The following RIPK3 variants were observed in gnomAD, a reference collection of about 807,000 sequenced individuals.
RIPK3 encodes receptor-interacting serine/threonine-protein kinase 3.
Under a neutral mutation model 51.6 loss-of-function variants are expected in RIPK3, and 51 were observed. That is an observed-to-expected ratio of 0.99 (90% CI 0.79 to 1.25). The LOEUF is 1.25. Among genes scored for constraint, RIPK3 ranks in the 50% most tolerant of loss-of-function variants. RIPK3 has a pLI of 0.00. For missense variants in RIPK3, 654 were observed against 650.4 expected (o/e 1.01, Z -0.06); for synonymous variants, 246 against 257.7 (o/e 0.95, Z 0.44).
chr14:24,339,801 A>C lies in RIPK3; in HGVS notation c.20+6T>G. On this transcript the variant is annotated splice_donor_region_variant and intron_variant, in intron 1 of 9. Transcript: ENST00000216274. This position sits in a 1 kb window ranked among gnomAD's most constrained non-coding sequence, Gnocchi z 4.0. ...GGCTGCGATCGACATGCCACTCCCT[A>C]CTCACCATAACTTGACGCACGACAT... 1.3e-6 allele frequency: 2 copies of C among 1,576,594 alleles called. No homozygotes were observed. The highest frequency in any genetic ancestry group is 1.7e-6 in the Non-Finnish European group (2 of 1,163,252).
In RIPK3 at chr14:24,337,327, A is replaced by G. The variant is rs754556991; in HGVS notation, c.1034T>C (p.Val345Ala). ...ENQHSRNDVM[V>A]SEWLNKLNLE... Reference sequence around the variant, plus strand: ...ATTCAGTTTGTTTAGCCACTCAGAAACCATGACATCATTACGAGAGTGCTG... The same window carrying G: ...ATTCAGTTTGTTTAGCCACTCAGAAGCCATGACATCATTACGAGAGTGCTG... Residue 345 changes from valine to alanine, a missense_variant, in exon 8 of 10, where the codon GTT (valine) becomes GCT (alanine). By Grantham distance (64) the Val-to-Ala change is moderately conservative. Coordinates refer to ENST00000216274, the MANE Select transcript of RIPK3 (RefSeq NM_006871.4). The G allele has an allele frequency of 7.4e-6, 12 of 1,614,056 alleles. No individual in the cohort carries two copies. Among genetic ancestry groups the G allele is most frequent in the Admixed American group, 5.0e-5 (3 of 60,016 alleles).
In RIPK3 at chr14:24,337,984, A is replaced by G. The variant is rs769409655; in HGVS notation, c.721T>C (p.Ser241Pro). The G allele has an allele frequency of 6.2e-7, 1 of 1,614,190 alleles. No individual in the cohort carries two copies. Among genetic ancestry groups the G allele is most frequent in the South Asian group, 1.1e-5 (1 of 91,084 alleles). Residue 241 changes from serine (S) to proline (P), a missense_variant, in exon 6 of 10, where the codon TCA becomes CCA. Transcript: ENST00000216274. ...EAVCNRQNRP[S>P]LAELPQAGPE... Reference sequence around the variant, plus strand: ...CCGGCTTGGGGCAGCTCAGCCAATGAAGGCCGGTTCTGCCTGTTGCACACT... The same window carrying G: ...CCGGCTTGGGGCAGCTCAGCCAATGGAGGCCGGTTCTGCCTGTTGCACACT...
At chr14:24,338,593 G>T in intron 3 of RIPK3, 26 bp from the exon 4 acceptor site, 1 of 1,583,344 alleles carries the variant, frequency 6.3e-7, no homozygotes, top group South Asian at 1.1e-5. Flanking sequence ...AGAAGTGGGA[G>T]GTAGGGAAGA....
rs1314968505 is a variant in RIPK3, at chr14:24,337,216, G to C, written c.1145C>G (p.Ala382Gly). Residue 382 changes from alanine (A) to glycine (G), a missense_variant, in exon 8 of 10, where the codon GCC (alanine) becomes GGC (glycine). Transcript: ENST00000216274. ...SRAQEEQVPQ[A>G]WTAGTSSDSM... ...ATCTGAAGATGTGCCTGCTGTCCAGGCTTGTGGAACCTGCTCCTCTTGTGC... is the reference window on the plus strand; with the variant it reads ...ATCTGAAGATGTGCCTGCTGTCCAGCCTTGTGGAACCTGCTCCTCTTGTGC... 4 of 1,613,898 alleles carry C rather than the reference G, an allele frequency of 2.5e-6. No individual in the cohort carries two copies. Among genetic ancestry groups the C allele is most frequent in the African/African-American group, 2.7e-5 (2 of 75,036 alleles).
rs373898638 is a variant in RIPK3, at chr14:24,337,990, G to T, written c.715C>A (p.Arg239=). The T allele has an allele frequency of 6.2e-7, 1 of 1,614,082 alleles. No homozygotes were observed. The highest frequency in any genetic ancestry group is 1.1e-5 in the South Asian group (1 of 91,084). Residue 239 remains arginine, a synonymous_variant, in exon 6 of 10, where the codon CGG becomes AGG. Coordinates refer to ENST00000216274, the MANE Select transcript of RIPK3 (RefSeq NM_006871.4). ...TGGGGCAGCTCAGCCAATGAAGGCC[G>T]GTTCTGCCTGTTGCACACTGCTTCG... ...VYEAVCNRQN[R]PSLAELPQAG... is the part of the protein sequence containing the mutation.
Position 24,337,448 on chromosome 14 carries a change from G to C in RIPK3, c.913C>G (p.Leu305Val), listed in dbSNP as rs146983806. The change falls in exon 8 of 10, where the codon CTG becomes GTG. Residue 305 changes from leucine to valine, a missense_variant. By Grantham distance (32) the Leu-to-Val change is conservative. Coordinates refer to ENST00000216274, the MANE Select transcript of RIPK3 (RefSeq NM_006871.4). ...NAAVSTVKDF[L>V]SQLRSSNRRF... Reference sequence around the variant, plus strand: ...CTATTGCTGCTCCTGAGCTGAGACAGGAAATCCTTTACCTGCAGGGATGGG... The same window carrying C: ...CTATTGCTGCTCCTGAGCTGAGACACGAAATCCTTTACCTGCAGGGATGGG... 3 of 1,613,026 alleles carry C rather than the reference G, an allele frequency of 1.9e-6. No individual in the cohort carries two copies. The African/African-American group carries it at 4.0e-5, about 22-fold the overall frequency.
In RIPK3 at chr14:24,336,028, C is replaced by T; in HGVS notation, c.*147G>A. The T allele has an allele frequency of 1.3e-6, 1 of 782,766 alleles. No homozygotes were observed. Among genetic ancestry groups the T allele is most frequent in the Non-Finnish European group, 2.0e-6 (1 of 505,538 alleles). 48.5% of individuals were successfully genotyped at this position (782,766 alleles called of 1,614,324 possible). ...CCCTGGCTGAGCTCAGACTGACTAGCATTCCATCATGTTTATTGACTCCTG... is the reference window on the plus strand; with the variant it reads ...CCCTGGCTGAGCTCAGACTGACTAGTATTCCATCATGTTTATTGACTCCTG... On this transcript the variant is annotated 3_prime_UTR_variant, in exon 10 of 10. Transcript: ENST00000216274.
Position 24,337,763 on chromosome 14 carries a change from C to T in RIPK3, c.833-1G>A, listed in dbSNP as rs1393885899. ...ACTTCATCAGTTTTTGGTAGGCATT[C>T]TAGAGGGACAGCAGAGTGGAGTGCA... On this transcript the variant is annotated splice_acceptor_variant, in intron 6 of 9. Transcript: ENST00000216274. LOFTEE classifies it high-confidence loss of function. 1.2e-6 allele frequency: 2 copies of T among 1,614,006 alleles called. No homozygotes were observed. The highest frequency in any genetic ancestry group is 3.3e-5 in the Admixed American group (2 of 60,006).
In RIPK3 at chr14:24,337,395, T is replaced by C; in HGVS notation, c.966A>G (p.Gln322=). The part of the protein sequence containing the change: ...NRRFSIPESG[Q]GGTEMDGFRR... ...TAAAGCCATCCATTTCTGTCCCTCC[T>C]TGGCCTGACTCTGGGATAGAAAATC... Residue 322 remains glutamine (Q), a synonymous_variant, in exon 8 of 10, where the codon CAA becomes CAG. Coordinates refer to ENST00000216274, the MANE Select transcript of RIPK3 (RefSeq NM_006871.4). 2 of 1,614,114 alleles carry C rather than the reference T, an allele frequency of 1.2e-6. No homozygotes were observed. Among genetic ancestry groups the C allele is most frequent in the African/African-American group, 2.7e-5 (2 of 75,052 alleles).
Position 24,338,302 on chromosome 14 carries a change from G to A in RIPK3, c.618-7C>T. 6.6e-7 allele frequency: 1 copy of A among 1,526,026 alleles called. No individual in the cohort carries two copies. The highest frequency in any genetic ancestry group is 8.8e-7 in the Non-Finnish European group (1 of 1,136,636). The allele number at this position is 1,526,026 out of a possible 1,614,324, so 94.5% of individuals were successfully genotyped here. On this transcript the variant is annotated splice_polypyrimidine_tract_variant and splice_region_variant and intron_variant, in intron 4 of 9. Coordinates refer to ENST00000216274, the MANE Select transcript of RIPK3 (RefSeq NM_006871.4). ...CCACATTAGGATCCCGAAGCTGCAG[G>A]AGACACAAAGCTGAGGATCGGTCCA...
In RIPK3 at chr14:24,339,335, G is replaced by A; in HGVS notation, c.162-11C>T. 2 of 1,609,090 alleles carry A rather than the reference G, an allele frequency of 1.2e-6. No homozygotes were observed. The highest frequency in any genetic ancestry group is 2.2e-5 in the East Asian group (1 of 44,754). On this transcript the variant is annotated splice_polypyrimidine_tract_variant and intron_variant, in intron 2 of 9. Transcript: ENST00000216274. This position sits in a 1 kb window ranked among gnomAD's most constrained non-coding sequence, Gnocchi z 4.0. ...CTGGATATCGCCTTCCTACACTCCA[G>A]GAGAGAGCTGGAGTCGCACCGGGGT...
At chr14:24,337,573 G>T (rs1821178000) in intron 7 of RIPK3, 113 bp from the exon 8 acceptor site, 3 of 1,588,428 alleles carry the variant, frequency 1.9e-6, no homozygotes, top group East Asian at 2.2e-5. Flanking sequence ...GTGGGCTGGG[G>T]ACGGTGGGTA....
At chr14:24,337,800 C>T in intron 6 of RIPK3, 38 bp from the exon 7 acceptor site, 1 of 1,613,878 alleles carries the variant, frequency 6.2e-7, no homozygotes, top group Non-Finnish European at 8.5e-7. Context: ...GTGAGCAAAT[C>T]TTCTTTTCCT....
chr14:24,339,644 G>T lies in RIPK3; in HGVS notation c.21-47C>A. The T allele has an allele frequency of 6.2e-7, 1 of 1,609,668 alleles. No homozygotes were observed. The highest frequency in any genetic ancestry group is 1.1e-5 in the South Asian group (1 of 90,914). ...CTAGCCGGCCGTGCCGTGCCTCAGC[G>T]CTGCTCCCCGCGCCCCTGTGACTCG... is the stretch of plus-strand genomic sequence containing the variant. On this transcript the variant is annotated intron_variant, in intron 1 of 9. Coordinates refer to ENST00000216274, the MANE Select transcript of RIPK3 (RefSeq NM_006871.4). The surrounding 1 kb of genome is among the most constrained non-coding windows in gnomAD (Gnocchi z 4.0).
chr14:24,336,870 G>GT lies in RIPK3; in HGVS notation c.1336+14dup, dbSNP rs1306106425. ...AGAATTGAACAGGGAAAAGAAAGAG[G>GT]TAGAGAATGGGTACCTGTTACTGGA... On this transcript the variant is annotated intron_variant, in intron 9 of 9. Transcript: ENST00000216274. The GT allele has an allele frequency of 1.2e-6, 2 of 1,603,524 alleles. No homozygotes were observed. Among genetic ancestry groups the GT allele is most frequent in the African/African-American group, 2.7e-5 (2 of 74,712 alleles).
In RIPK3 at chr14:24,337,394, C is replaced by T. The variant is rs575625538; in HGVS notation, c.967G>A (p.Gly323Arg). Residue 323 changes from glycine to arginine, a missense_variant, in exon 8 of 10, where the codon GGA (glycine) becomes AGA (arginine). Physicochemically the swap from Gly to Arg is moderately radical, Grantham distance 125 (BLOSUM62 -2). Coordinates refer to ENST00000216274, the MANE Select transcript of RIPK3 (RefSeq NM_006871.4). ...RRFSIPESGQ[G>R]GTEMDGFRRT... Reference sequence around the variant, plus strand: ...CTAAAGCCATCCATTTCTGTCCCTCCTTGGCCTGACTCTGGGATAGAAAAT... The same window carrying T: ...CTAAAGCCATCCATTTCTGTCCCTCTTTGGCCTGACTCTGGGATAGAAAAT... 55 of 1,613,952 alleles carry T rather than the reference C, an allele frequency of 3.4e-5. No homozygotes were observed. The African/African-American group carries it at 7.1e-4, about 21-fold the overall frequency.
chr14:24,338,298 G>C lies in RIPK3; in HGVS notation c.618-3C>G. On this transcript the variant is annotated splice_polypyrimidine_tract_variant and splice_region_variant and intron_variant, in intron 4 of 9. Coordinates refer to ENST00000216274, the MANE Select transcript of RIPK3 (RefSeq NM_006871.4). ...CTGCCCACATTAGGATCCCGAAGCT[G>C]CAGGAGACACAAAGCTGAGGATCGG... is the stretch of plus-strand genomic sequence containing the variant. The C allele has an allele frequency of 2.6e-6, 4 of 1,526,186 alleles. No individual in the cohort carries two copies. The highest frequency in any genetic ancestry group is 3.5e-6 in the Non-Finnish European group (4 of 1,136,638). 94.5% of individuals were successfully genotyped at this position (1,526,186 alleles called of 1,614,324 possible). A position where few individuals can be genotyped will look rare whatever the true frequency, so the allele number is the denominator to read the frequency against.
At chr14:24,338,941 T>C in intron 3 of RIPK3, 74 bp downstream of exon 3, 1 of 1,198,462 alleles carries the variant, frequency 8.3e-7, no homozygotes, top group Non-Finnish European at 1.2e-6. Context: ...TCTGGAGGTC[T>C]AGTGTCCGGC....
chr14:24,339,843 A>AG lies in RIPK3; in HGVS notation c.-18dup. 1.3e-6 allele frequency: 2 copies of AG among 1,554,468 alleles called. No individual in the cohort carries two copies. Among genetic ancestry groups the AG allele is most frequent in the Non-Finnish European group, 1.7e-6 (2 of 1,155,286 alleles). ...GCACGACATCAGGCTGGAAGGTGCCAGGGGGCCTCTGGAAATTGCGAGCCG... is the reference window on the plus strand; with the variant it reads ...GCACGACATCAGGCTGGAAGGTGCCAGGGGGGCCTCTGGAAATTGCGAGCCG... On this transcript the variant is annotated 5_prime_UTR_variant, in exon 1 of 10. Coordinates refer to ENST00000216274, the MANE Select transcript of RIPK3 (RefSeq NM_006871.4). This position sits in a 1 kb window ranked among gnomAD's most constrained non-coding sequence, Gnocchi z 4.0.
Sources: gnomAD v4.1 joint callset for allele counts on GRCh38, gnomAD v4.1.1 for gene constraint, Gnocchi (gnomAD v3.1) non-coding constraint, MANE v1.5 for transcripts, NCBI Gene and HGNC (gene_info 2026-07-23, HGNC 2026-07-21) for gene names.